The following PXDNL variants were observed in gnomAD, a reference collection of about 807,000 sequenced individuals.
PXDNL encodes the protein probable oxidoreductase PXDNL.
A neutral mutation model predicts 150.8 loss-of-function variants in PXDNL; 145 were observed. That is an observed-to-expected ratio of 0.96 (90% confidence interval 0.84 to 1.10). The LOEUF (loss-of-function observed/expected upper bound fraction) is 1.10. Among genes scored for constraint, PXDNL ranks in the 50% least tolerant of loss-of-function variants. The pLI is 0.00. For synonymous variants in PXDNL, 757 were observed against 725.7 expected, an observed-to-expected ratio of 1.04 and a Z score of -0.69; for missense variants, 2,087 against 1,873.9, an observed-to-expected ratio of 1.11 and a Z score of -2.10.
intron 2 of PXDNL, among the ~76,000 whole-genome samples, chr8:51,617,053 TA>T (rs1402422758): frequency 6.6e-6 from 1 of 152,282 alleles, no homozygotes; most frequent in African/African-American, 2.4e-5. Context: ...CATGTATATC[TA>T]AAAGAGGAAA....
chr8:51,498,629 A>G (rs1294075636), intron 5 of PXDNL, among the ~76,000 whole-genome samples: 1 of 152,124 alleles, frequency 6.6e-6, no homozygotes, highest in Non-Finnish European at 1.5e-5. Context: ...GATGTAGAGT[A>G]CAATGCCTTG....
In PXDNL at chr8:51,330,390, T is replaced by TA. The variant is rs113271586; in HGVS notation, c.4146+9233dup. On this transcript the variant is annotated intron_variant, in intron 21 of 22. Transcript: ENST00000356297. Reference sequence around the variant, plus strand: ...AAATCTAAGAACTACAGGGCAATATTAAAAAAAAAATGTGGCTATTCAGCA... The same window carrying TA: ...AAATCTAAGAACTACAGGGCAATATTAAAAAAAAAAATGTGGCTATTCAGCA... Among the ~76,000 whole-genome samples, 1,171 of 150,708 alleles carry TA rather than the reference T, an allele frequency of 7.8e-3. 18 individuals are homozygous for TA. The highest frequency in any genetic ancestry group is 0.026 in the African/African-American group (1,061 of 41,270).
intron 2 of PXDNL, among the ~76,000 whole-genome samples, chr8:51,640,052 T>G (rs371620970): frequency 6.6e-6 from 1 of 152,118 alleles, no homozygotes; most frequent in African/African-American, 2.4e-5. Flanking sequence ...GTTCAATATA[T>G]GCAAATCAAT....
intron 5 of PXDNL, among the ~76,000 whole-genome samples, chr8:51,499,007 A>G (rs1330142816): frequency 6.6e-6 from 1 of 152,194 alleles, no homozygotes; most frequent in Non-Finnish European, 1.5e-5. Context: ...CTGCTGCAAT[A>G]CAAGAACACA....
chr8:51,427,220 T>C (rs2129767755), intron 12 of PXDNL, among the ~76,000 whole-genome samples: 1 of 152,268 alleles, frequency 6.6e-6, no homozygotes. Context: ...GATAGCTCTG[T>C]AACTATTAAA....
chr8:51,378,744 C>G (rs896427639), intron 17 of PXDNL, among the ~76,000 whole-genome samples: 6 of 149,286 alleles, frequency 4.0e-5, no homozygotes, highest in African/African-American at 1.5e-4. Flanking sequence ...GAACGAACAA[C>G]TCCACACGTG....
At chr8:51,510,203 G>A (rs1273995022) in intron 4 of PXDNL, among the ~76,000 whole-genome samples, 2 of 152,120 alleles carry the variant, frequency 1.3e-5, no homozygotes. Context: ...GCGAGAGAAG[G>A]AGTTCCATTG....
chr8:51,384,029 C>G (rs1023251488), intron 17 of PXDNL, among the ~76,000 whole-genome samples: 1 of 152,120 alleles, frequency 6.6e-6, no homozygotes, highest in Non-Finnish European at 1.5e-5. Flanking sequence ...AATCCTTCCC[C>G]AAAACACAAA....
At chr8:51,660,913 C>T (rs1258158390) in intron 1 of PXDNL, among the ~76,000 whole-genome samples, 2 of 152,180 alleles carry the variant, frequency 1.3e-5, no homozygotes, top group Non-Finnish European at 2.9e-5. Flanking sequence ...TCCAGCTCCC[C>T]GCCACAACCC....
intron 1 of PXDNL, among the ~76,000 whole-genome samples, chr8:51,689,574 CT>C (rs34938916): frequency 0.016 from 2,351 of 149,370 alleles, 63 homozygotes; most frequent in African/African-American, 0.054. Context: ...TTATCCGACT[CT>C]TTTTTTTTTC....
intron 10 of PXDNL, among the ~76,000 whole-genome samples, chr8:51,450,308 G>C (rs760854403): frequency 5.3e-5 from 8 of 152,110 alleles, no homozygotes; most frequent in Non-Finnish European, 1.0e-4. Flanking sequence ...CAGGGTCTTT[G>C]TGCCCTGTAT....
intron 19 of PXDNL, among the ~76,000 whole-genome samples, chr8:51,366,693 C>T (rs1328571644): frequency 6.6e-6 from 1 of 152,160 alleles, no homozygotes; most frequent in African/African-American, 2.4e-5. Context: ...GCCCTCTGTA[C>T]AGTAGGACCT....
At chr8:51,765,587 T>C (rs1270063921) in intron 1 of PXDNL, among the ~76,000 whole-genome samples, 1 of 152,196 alleles carries the variant, frequency 6.6e-6, no homozygotes, top group African/African-American at 2.4e-5. Flanking sequence ...TTTTAATGCA[T>C]TCTGCCAATC....
At chr8:51,385,292 C>T (rs1807665220) in intron 17 of PXDNL, among the ~76,000 whole-genome samples, 1 of 151,814 alleles carries the variant, frequency 6.6e-6, no homozygotes, top group Non-Finnish European at 1.5e-5. Context: ...AGGTGAGACT[C>T]CCTACATCAT....
rs200630178 is a variant in PXDNL, at chr8:51,475,033, T to A, written c.633A>T (p.Glu211Asp). 3.4e-4 allele frequency: 543 copies of A among 1,612,944 alleles called. 1 individual carries two copies. The highest frequency in any genetic ancestry group is 8.8e-4 in the Admixed American group (53 of 59,900). Reference sequence around the variant, plus strand: ...CACGCCCATGGAGTCTCCTGGGATATTCGCAGGTAGCCGCAGCCTGGGTGT... The same window carrying A: ...CACGCCCATGGAGTCTCCTGGGATAATCGCAGGTAGCCGCAGCCTGGGTGT... Reference protein sequence around the residue: ...HGHTQAAATCEYPRRLHGRAV... With the variant: ...HGHTQAAATCDYPRRLHGRAV... The change falls in exon 7 of 23, where the codon GAA (glutamate) becomes GAT (aspartate). Residue 211 changes from glutamate to aspartate, a missense_variant. Transcript: ENST00000356297.
At chr8:51,399,173 A>C (rs535274544) in intron 17 of PXDNL, among the ~76,000 whole-genome samples, 59 of 152,310 alleles carry the variant, frequency 3.9e-4, no homozygotes, top group Non-Finnish European at 1.8e-4. Context: ...ACAATTTGGC[A>C]GTTTCTTATA....
intron 1 of PXDNL, among the ~76,000 whole-genome samples, chr8:51,697,070 G>A (rs565138039): frequency 1.1e-4 from 17 of 152,262 alleles, no homozygotes; most frequent in African/African-American, 3.6e-4. Flanking sequence ...TTGGGAGGCC[G>A]AGGTGGCAGG....
chr8:51,773,874 AC>A (rs2037325108), intron 1 of PXDNL, among the ~76,000 whole-genome samples: 1 of 152,232 alleles, frequency 6.6e-6, no homozygotes, highest in Non-Finnish European at 1.5e-5. Flanking sequence ...TGTGTAATGT[AC>A]AAAAAACTGA....
chr8:51,748,525 C>T (rs1196726750), intron 1 of PXDNL, among the ~76,000 whole-genome samples: 1 of 152,218 alleles, frequency 6.6e-6, no homozygotes, highest in Non-Finnish European at 1.5e-5. Context: ...CACCCGGTCC[C>T]AGCTGGAGCA....
Sources: gnomAD v4.1 joint callset for allele counts (sites outside exome capture counted in the v4.1 genomes callset) on GRCh38, gnomAD v4.1.1 for gene constraint, MANE v1.5 for transcripts, NCBI Gene and HGNC (gene_info 2026-07-23, HGNC 2026-07-21) for gene names.